The following HLA-DRA variants were observed in gnomAD, a reference collection of about 807,000 sequenced individuals.
HLA-DRA encodes the protein HLA class II histocompatibility antigen, DR alpha chain.
In HLA-DRA, 8 loss-of-function variants were observed where a neutral mutation model predicts 22.1. That is an observed-to-expected ratio of 0.36 (90% CI 0.21 to 0.65). The LOEUF (loss-of-function observed/expected upper bound fraction) is 0.65. Among genes scored for constraint, HLA-DRA ranks in the 30% least tolerant of loss-of-function variants. The pLI, the probability that HLA-DRA is intolerant of heterozygous loss-of-function variation, is 0.63. For synonymous variants in HLA-DRA, 101 were observed against 117.1 expected (o/e 0.86, Z 0.89); for missense variants, 248 against 321.3 (o/e 0.77, Z 1.74).
Position 32,442,541 on chromosome 6 carries a change from T to C in HLA-DRA, c.176T>C (p.Val59Ala), listed in dbSNP as rs1172099910. 6 of 1,612,964 alleles carry C rather than the reference T, an allele frequency of 3.7e-6. No homozygotes were observed. The highest frequency in any genetic ancestry group is 5.1e-6 in the Non-Finnish European group (6 of 1,180,042). Residue 59 changes from valine to alanine, a missense_variant, in exon 2 of 5, where the codon GTG (valine) becomes GCG (alanine). By Grantham distance (64) the Val-to-Ala change is moderately conservative. Transcript: ENST00000395388. ...FDFDGDEIFH[V>A]DMAKKETVWR... ...TTTGATGGTGATGAGATTTTCCATGTGGATATGGCAAAGAAGGAGACGGTC... is the reference window on the plus strand; with the variant it reads ...TTTGATGGTGATGAGATTTTCCATGCGGATATGGCAAAGAAGGAGACGGTC...
intron 2 of HLA-DRA, 131 bp from the exon 3 acceptor site, chr6:32,443,054 G>A (rs2150374929): frequency 1.3e-6 from 1 of 798,504 alleles, no homozygotes; most frequent in Non-Finnish European, 2.0e-6. Flanking sequence ...ATTTCTCAGG[G>A]CACAATTTCA....
chr6:32,439,995 T>C lies in HLA-DRA; in HGVS notation c.45T>C (p.Ala15=). Residue 15 remains alanine (A), a synonymous_variant, in exon 1 of 5, where the codon GCT becomes GCC. Coordinates refer to ENST00000395388, the MANE Select transcript of HLA-DRA (RefSeq NM_019111.5). Reference sequence around the variant, plus strand: ...CTGTGCTAGGATTTTTCATCATAGCTGTGCTGATGAGCGCTCAGGAATCAT... The same window carrying C: ...CTGTGCTAGGATTTTTCATCATAGCCGTGCTGATGAGCGCTCAGGAATCAT... The part of the protein sequence containing the change: ...GVPVLGFFII[A]VLMSAQESWA... 2 of 1,614,088 alleles carry C rather than the reference T, an allele frequency of 1.2e-6. No individual in the cohort carries two copies. Among genetic ancestry groups the C allele is most frequent in the Non-Finnish European group, 1.7e-6 (2 of 1,180,012 alleles).
intron 1 of HLA-DRA, among the ~76,000 whole-genome samples, chr6:32,441,379 CAAAAT>C (rs1762608628): frequency 2.0e-5 from 3 of 151,592 alleles, no homozygotes; most frequent in East Asian, 1.9e-4. Flanking sequence ...CAAAACAAAA[CAAAAT>C]ATCTCACCTT....
chr6:32,442,702 C>A lies in HLA-DRA; in HGVS notation c.328+9C>A, dbSNP rs1762694187. Reference sequence around the variant, plus strand: ...TACTCCGATCACCAATGGTACCTCCCTCTCTGCTGCACTCCTGGACATGGG... The same window carrying A: ...TACTCCGATCACCAATGGTACCTCCATCTCTGCTGCACTCCTGGACATGGG... On this transcript the variant is annotated intron_variant, in intron 2 of 4. Coordinates refer to ENST00000395388, the MANE Select transcript of HLA-DRA (RefSeq NM_019111.5). 1 of 1,612,616 alleles carries A rather than the reference C, an allele frequency of 6.2e-7. No homozygotes were observed. Among genetic ancestry groups the A allele is most frequent in the South Asian group, 1.1e-5 (1 of 91,076 alleles).
chr6:32,442,302 G>T, intron 1 of HLA-DRA, 146 bp from the exon 2 acceptor site: 1 of 949,898 alleles, frequency 1.1e-6, no homozygotes, highest in East Asian at 2.4e-5. Context: ...ACCTTGTCTT[G>T]TCACTCATCC....
At position 32,442,539 on chromosome 6, in the gene HLA-DRA, T is replaced by C. The variant is rs777242292; in HGVS notation, c.174T>C (p.His58=). 6 of 1,612,974 alleles carry C rather than the reference T, an allele frequency of 3.7e-6. No homozygotes were observed. In the Admixed American group the frequency reaches 6.7e-5, roughly 18 times the overall value. Reference sequence around the variant, plus strand: ...ACTTTGATGGTGATGAGATTTTCCATGTGGATATGGCAAAGAAGGAGACGG... The same window carrying C: ...ACTTTGATGGTGATGAGATTTTCCACGTGGATATGGCAAAGAAGGAGACGG... ...MFDFDGDEIF[H]VDMAKKETVW... The change falls in exon 2 of 5, where the codon CAT becomes CAC. Residue 58 remains histidine, a synonymous_variant. Transcript: ENST00000395388.
intron 1 of HLA-DRA, among the ~76,000 whole-genome samples, chr6:32,440,607 G>A (rs1301139536): frequency 6.6e-6 from 1 of 152,228 alleles, no homozygotes; most frequent in East Asian, 1.9e-4. Flanking sequence ...AAGGCATGCT[G>A]ATATGAGTTG....
At chr6:32,441,133 C>T (rs975384202) in intron 1 of HLA-DRA, among the ~76,000 whole-genome samples, 30 of 152,186 alleles carry the variant, frequency 2.0e-4, no homozygotes, top group African/African-American at 5.1e-4. Context: ...CCGAGGCGGG[C>T]GGATCATGAG....
chr6:32,442,088 A>G (rs1458442277), intron 1 of HLA-DRA, among the ~76,000 whole-genome samples: 2 of 152,252 alleles, frequency 1.3e-5, no homozygotes, highest in Non-Finnish European at 2.9e-5. Context: ...CCGGGTAAAG[A>G]AAGTGAGAGA....
At position 32,440,050 on chromosome 6, in the gene HLA-DRA, G is replaced by A. The variant is rs764188346; in HGVS notation, c.82+18G>A. ...TATCAAAGGTAGGTGCTGAGGGAAT[G>A]AAATCTGGGACGATAGACTACGAAG... On this transcript the variant is annotated intron_variant, in intron 1 of 4. Transcript: ENST00000395388. 1.5e-5 allele frequency: 24 copies of A among 1,599,924 alleles called. No homozygotes were observed. The highest frequency in any genetic ancestry group is 1.9e-5 in the Non-Finnish European group (22 of 1,167,168).
chr6:32,442,572 G>A lies in HLA-DRA; in HGVS notation c.207G>A (p.Arg69=), dbSNP rs748180734. ...TGGCAAAGAAGGAGACGGTCTGGCG[G>A]CTTGAAGAATTTGGACGATTTGCCA... ...VDMAKKETVW[R]LEEFGRFASF... is the part of the protein sequence containing the mutation. The change falls in exon 2 of 5, where the codon CGG becomes CGA. Residue 69 remains arginine (R), a synonymous_variant. Transcript: ENST00000395388. The A allele has an allele frequency of 1.2e-6, 2 of 1,612,936 alleles. No homozygotes were observed. The highest frequency in any genetic ancestry group is 2.2e-5 in the East Asian group (1 of 44,896).
intron 3 of HLA-DRA, 99 bp downstream of exon 3, chr6:32,443,565 T>A: frequency 8.2e-7 from 1 of 1,214,456 alleles, no homozygotes; most frequent in Non-Finnish European, 1.2e-6. Flanking sequence ...CTGCTACAAT[T>A]AATATAACTG....
Sources: allele counts gnomAD v4.1 joint callset (sites outside exome capture counted in the v4.1 genomes callset), GRCh38; gene constraint gnomAD v4.1.1; transcripts MANE v1.5; gene names NCBI Gene and HGNC (gene_info 2026-07-23, HGNC 2026-07-21).